The following NOTCH2 variants were observed in gnomAD, a reference collection of about 807,000 sequenced individuals.
The protein encoded by NOTCH2 is notch receptor 2, also known as neurogenic locus notch homolog protein 2.
In NOTCH2, 29 loss-of-function variants were observed where a neutral mutation model predicts 235.8. That is an observed-to-expected ratio of 0.12 (90% CI 0.09 to 0.17). NOTCH2 has a LOEUF of 0.17. NOTCH2 is among the 10% of genes least tolerant of loss of function. The pLI, the probability that NOTCH2 is intolerant of heterozygous loss-of-function variation, is 1.00. For missense variants in NOTCH2, 2,285 were observed against 3,150.2 expected (o/e 0.73, Z 6.57); for synonymous variants, 1,086 against 1,141.5 (o/e 0.95, Z 0.98).
chr1:119,920,422 T>C, intron 29 of NOTCH2, 25 bp from the exon 30 acceptor site: 1 of 1,613,802 alleles, frequency 6.2e-7, no homozygotes, highest in Admixed American at 1.7e-5. Context: ...CAATGCTCCC[T>C]ATCAATCTGG....
chr1:119,937,165 T>A (rs1239798116), intron 21 of NOTCH2, 117 bp downstream of exon 21: 1 of 1,065,248 alleles, frequency 9.4e-7, no homozygotes, highest in Admixed American at 1.8e-5. Flanking sequence ...CGGGGATTGG[T>A]AAAAATCTAT....
intron 1 of NOTCH2, among the ~76,000 whole-genome samples, chr1:120,058,200 G>T (rs1180486595): frequency 1.3e-5 from 2 of 152,082 alleles, no homozygotes; most frequent in African/African-American, 2.4e-5. Flanking sequence ...AAAATCTGAT[G>T]TTTAAAAAAT....
In NOTCH2 at chr1:119,929,079, T is replaced by C. The variant is rs149036937; in HGVS notation, c.3789A>G (p.Gly1263=). Residue 1263 remains glycine, a synonymous_variant, in exon 23 of 34, where the codon GGA becomes GGG. Coordinates refer to ENST00000256646, the MANE Select transcript of NOTCH2 (RefSeq NM_024408.4). ...LPGFAGERCE[G]DINECLSNPC... The stretch of plus-strand genomic sequence containing the variant: ...GGTTGGAGAGGCACTCGTTGATGTC[T>C]CCCTCACAACGCTCCCCAGCAAAGC... The C allele has an allele frequency of 6.2e-7, 1 of 1,613,992 alleles. No individual in the cohort carries two copies. Among genetic ancestry groups the C allele is most frequent in the Non-Finnish European group, 8.5e-7 (1 of 1,180,034 alleles).
chr1:119,966,550 A>G, intron 8 of NOTCH2, 61 bp from the exon 9 acceptor site: 1 of 1,211,448 alleles, frequency 8.3e-7, no homozygotes, highest in Non-Finnish European at 1.2e-6. Context: ...CCAGACAAGG[A>G]AGCACAAATT....
At chr1:119,998,058 C>T (rs587724721) in intron 3 of NOTCH2, among the ~76,000 whole-genome samples, 20 of 146,170 alleles carry the variant, frequency 1.4e-4, no homozygotes, top group African/African-American at 5.1e-4. Flanking sequence ...AAAGTTCCAA[C>T]CTCTGTAAAG....
At chr1:120,063,013 C>T (rs1268234371) in intron 1 of NOTCH2, among the ~76,000 whole-genome samples, 8 of 151,844 alleles carry the variant, frequency 5.3e-5, no homozygotes, top group Admixed American at 6.6e-5. Context: ...AACAGATCTA[C>T]GGCAAACCTC....
intron 17 of NOTCH2, among the ~76,000 whole-genome samples, chr1:119,944,200 T>G (rs1447933120): frequency 6.6e-6 from 1 of 151,988 alleles, no homozygotes; most frequent in Non-Finnish European, 1.5e-5. Context: ...CTTGGACCCA[T>G]AACCAAAAAT....
chr1:119,943,063 A>G (rs1557814841), intron 17 of NOTCH2, among the ~76,000 whole-genome samples: 2 of 152,018 alleles, frequency 1.3e-5, no homozygotes, highest in Admixed American at 6.6e-5. Flanking sequence ...AGTACAGACC[A>G]GGTTTCACCA....
chr1:119,974,050 A>C (rs2101156357), intron 5 of NOTCH2, among the ~76,000 whole-genome samples: 1 of 152,304 alleles, frequency 6.6e-6, no homozygotes, highest in African/African-American at 2.4e-5. Context: ...ATTAAAAGCA[A>C]ATGACTTTAT....
chr1:120,005,682 G>A (rs587594049), intron 2 of NOTCH2, 94 bp from the exon 3 acceptor site: 26 of 701,700 alleles, frequency 3.7e-5, no homozygotes, highest in Non-Finnish European at 5.2e-5. Flanking sequence ...AAGAAAGCAC[G>A]AGATTGTGAA....
chr1:120,058,364 G>A (rs587755736), intron 1 of NOTCH2, among the ~76,000 whole-genome samples: 1,118 of 149,306 alleles, frequency 7.5e-3, no homozygotes, highest in African/African-American at 0.027. Flanking sequence ...AATTAGCCAG[G>A]CGTTGTGGTG....
chr1:119,935,520 T>C lies in NOTCH2; in HGVS notation c.3607A>G (p.Ile1203Val), dbSNP rs1553195628. The C allele has an allele frequency of 1.8e-5, 29 of 1,614,224 alleles. No homozygotes were observed. Among genetic ancestry groups the C allele is most frequent in the Non-Finnish European group, 2.4e-5 (28 of 1,180,042 alleles). Residue 1203 changes from isoleucine to valine, a missense_variant, in exon 22 of 34, where the codon ATT becomes GTT. This residue lies in a region of NOTCH2 where 1,173 missense variants were observed against 1,515.3 expected (regional missense o/e 0.77). Transcript: ENST00000256646. ...CACTTGAAATGGTTCACAAGGTCAA[T>C]ACAGGTGCCTCCATTCTGGCAGGGC... ...NQPCQNGGTC[I>V]DLVNHFKCSC...
At chr1:119,982,190 G>C (rs1651838407) in intron 5 of NOTCH2, among the ~76,000 whole-genome samples, 1 of 152,188 alleles carries the variant, frequency 6.6e-6, no homozygotes. Context: ...CAGCTCTTGA[G>C]GCTCATCATG....
chr1:119,940,464 T>C, intron 19 of NOTCH2, 91 bp downstream of exon 19: 2 of 1,207,362 alleles, frequency 1.7e-6, no homozygotes, highest in South Asian at 2.6e-5. Context: ...AATTTTCTCT[T>C]TTAGAAGGAA....
rs899607227 is a variant in NOTCH2, at chr1:119,922,367, C to T, written c.5082G>A (p.Leu1694=). ...VAVVIILFII[L]LGVIMAKRKR... is the part of the protein sequence containing the mutation. ...TTCGTTTTGCCATGATTACCCCCAG[C>T]AGAATAATAAACAGAATGATGACAA... The change falls in exon 28 of 34, where the codon CTG becomes CTA. Residue 1694 remains leucine (L), a synonymous_variant. Transcript: ENST00000256646. 20 of 1,614,014 alleles carry T rather than the reference C, an allele frequency of 1.2e-5. No homozygotes were observed. The highest frequency in any genetic ancestry group is 1.7e-5 in the Non-Finnish European group (20 of 1,180,022).
intron 1 of NOTCH2, among the ~76,000 whole-genome samples, chr1:120,065,546 C>G (rs587722631): frequency 6.6e-6 from 1 of 152,182 alleles, no homozygotes; most frequent in African/African-American, 2.4e-5. Flanking sequence ...ATTCTAGTCT[C>G]AACTCTAATT....
chr1:119,953,456 A>G, intron 14 of NOTCH2, 87 bp downstream of exon 14: 2 of 1,409,238 alleles, frequency 1.4e-6, no homozygotes, highest in Non-Finnish European at 2.0e-6. Context: ...AATGAAAAAG[A>G]GAAAAGGAAA....
chr1:119,961,289 AG>A (rs141625839), intron 11 of NOTCH2, among the ~76,000 whole-genome samples: 25,077 of 152,104 alleles, frequency 0.16, 2,831 homozygotes, highest in African/African-American at 0.32. Context: ...TTCCCTGCAG[AG>A]GAGTGGATAC....
chr1:120,000,039 G>A (rs1391741794), intron 3 of NOTCH2, among the ~76,000 whole-genome samples: 15 of 151,850 alleles, frequency 9.9e-5, no homozygotes, highest in Non-Finnish European at 2.1e-4. Context: ...AAGGAAGGGA[G>A]AAAGAAAGAA....
Sources: gnomAD v4.1 joint callset for allele counts (sites outside exome capture counted in the v4.1 genomes callset) on GRCh38, gnomAD v4.1.1 for gene constraint, gnomAD v4.1.1 regional missense constraint, MANE v1.5 for transcripts, NCBI Gene and HGNC (gene_info 2026-07-23, HGNC 2026-07-21) for gene names.